SHANK2: variants seen among roughly 807,000 people sequenced by gnomAD.
SHANK2 encodes the protein SH3 and multiple ankyrin repeat domains 2.
Under a neutral mutation model 133.7 loss-of-function variants are expected in SHANK2, and 43 were observed. The ratio of observed to expected loss-of-function variants is 0.32; its 90% CI spans 0.25 to 0.41. SHANK2 has a LOEUF of 0.41. SHANK2 is among the 10% of genes least tolerant of loss of function. The pLI, the probability that SHANK2 is intolerant of heterozygous loss-of-function variation, is 1.00. For synonymous variants in SHANK2, 1,017 were observed against 952.8 expected (o/e 1.07, Z -1.24); for missense variants, 1,994 against 2,235.8 (o/e 0.89, Z 2.18).
intron 13 of SHANK2, among the ~76,000 whole-genome samples, chr11:70,806,596 A>G (rs115661951): frequency 0.011 from 1,604 of 152,114 alleles, 29 homozygotes; most frequent in African/African-American, 0.037. Flanking sequence ...TCCTTTGAAC[A>G]CTGCAGGCCC....
chr11:71,094,822 C>G (rs1951578750), intron 6 of SHANK2, 134 bp from the exon 7 acceptor site: 1 of 994,064 alleles, frequency 1.0e-6, no homozygotes, highest in East Asian at 2.6e-5. Flanking sequence ...CAGCTCCCAC[C>G]ACCTGGGAAC....
chr11:70,855,417 C>T (rs1329395083), intron 11 of SHANK2, among the ~76,000 whole-genome samples: 1 of 152,212 alleles, frequency 6.6e-6, no homozygotes, highest in Admixed American at 6.5e-5. Context: ...CTCCCCCAAC[C>T]CCTTGCTCAG....
chr11:71,180,122 A>C (rs1953527149), intron 2 of SHANK2, among the ~76,000 whole-genome samples: 1 of 152,248 alleles, frequency 6.6e-6, no homozygotes, highest in South Asian at 2.1e-4. Flanking sequence ...TCCCGGGGAC[A>C]AATGTCATTA....
At chr11:70,483,916 A>G (rs1392283086) in intron 25 of SHANK2, among the ~76,000 whole-genome samples, 1 of 152,242 alleles carries the variant, frequency 6.6e-6, no homozygotes, top group African/African-American at 2.4e-5. Context: ...ACTGAAAAAT[A>G]ACTGGGAAAA....
intron 10 of SHANK2, among the ~76,000 whole-genome samples, chr11:70,917,474 A>C (rs1182898509): frequency 6.6e-6 from 1 of 152,224 alleles, no homozygotes; most frequent in Non-Finnish European, 1.5e-5. Context: ...TAAAGACAGA[A>C]ATGCCATTCG....
intron 15 of SHANK2, among the ~76,000 whole-genome samples, chr11:70,689,682 C>G (rs536739460): frequency 2.0e-5 from 3 of 152,274 alleles, no homozygotes; most frequent in East Asian, 1.9e-4. Context: ...GAACTGGGAA[C>G]AGAACCCCCA....
At chr11:71,251,558 C>A (rs1231408750) in intron 1 of SHANK2, among the ~76,000 whole-genome samples, 9 of 151,576 alleles carry the variant, frequency 5.9e-5, no homozygotes, top group Admixed American at 5.9e-4. Flanking sequence ...AGCTGCCCGG[C>A]CGCCGGGGAG....
intron 3 of SHANK2, among the ~76,000 whole-genome samples, chr11:71,145,318 G>C (rs79443672): frequency 0.014 from 2,128 of 152,330 alleles, 56 homozygotes; most frequent in African/African-American, 0.05. Flanking sequence ...AAAAAAAGTT[G>C]CATAAAAACC....
chr11:70,934,755 G>A (rs1555083180), intron 10 of SHANK2, among the ~76,000 whole-genome samples: 1 of 152,224 alleles, frequency 6.6e-6, no homozygotes, highest in Admixed American at 6.5e-5. Flanking sequence ...AGGCTGACAT[G>A]CCACGTGTGG....
chr11:70,708,167 G>A (rs1945705146), intron 14 of SHANK2, among the ~76,000 whole-genome samples: 1 of 152,146 alleles, frequency 6.6e-6, no homozygotes. Flanking sequence ...CCCAGCTCAG[G>A]CAAGCTTTGT....
Position 70,471,753 on chromosome 11 carries a change from T to C in SHANK2, c.*1116A>G, listed in dbSNP as rs1203266311. ...CTGGCCTCCGAGAGCAAAAGGACTG[T>C]CTCAGCAGAGATGCTCACCCTTGGC... is the stretch of plus-strand genomic sequence containing the variant. On this transcript the variant is annotated 3_prime_UTR_variant, in exon 26 of 26. Coordinates refer to ENST00000601538, the MANE Select transcript of SHANK2 (RefSeq NM_012309.5). The surrounding 1 kb of genome is among the most constrained non-coding windows in gnomAD (Gnocchi z 4.1). The C allele has an allele frequency of 1.5e-5, 3 of 200,622 alleles. No homozygotes were observed. The highest frequency in any genetic ancestry group is 6.9e-5 in the African/African-American group (3 of 43,570). 12.4% of individuals were successfully genotyped at this position (200,622 alleles called of 1,614,324 possible).
chr11:70,705,919 T>TTTA (rs1945653442), intron 14 of SHANK2: 1 of 152,256 alleles, frequency 6.6e-6, no homozygotes, highest in Non-Finnish European at 1.5e-5. Context: ...GACAATAGAA[T>TTTA]GAGCTTTTAA....
chr11:70,756,068 C>T (rs1461722497), intron 14 of SHANK2, among the ~76,000 whole-genome samples: 3 of 152,100 alleles, frequency 2.0e-5, no homozygotes, highest in Non-Finnish European at 4.4e-5. Flanking sequence ...GCTCTGAGCT[C>T]GTTTCCTCAC....
chr11:70,922,464 A>C (rs1396903813), intron 10 of SHANK2, among the ~76,000 whole-genome samples: 2 of 152,226 alleles, frequency 1.3e-5, no homozygotes, highest in African/African-American at 4.8e-5. Flanking sequence ...CAAATACTGA[A>C]AACCAAGGAC....
intron 14 of SHANK2, among the ~76,000 whole-genome samples, chr11:70,777,660 T>C (rs532422181): frequency 6.6e-6 from 1 of 152,322 alleles, no homozygotes; most frequent in Admixed American, 6.5e-5. Context: ...TGGAGGGTAG[T>C]AAACCTTGAT....
At chr11:71,215,489 C>T (rs1163276083) in intron 2 of SHANK2, among the ~76,000 whole-genome samples, 1 of 152,184 alleles carries the variant, frequency 6.6e-6, no homozygotes, top group East Asian at 1.9e-4. Flanking sequence ...TGCCTCCTGC[C>T]AAGACAGGCC....
chr11:71,171,304 G>A (rs1292448536), intron 2 of SHANK2, among the ~76,000 whole-genome samples: 2 of 152,166 alleles, frequency 1.3e-5, no homozygotes, highest in African/African-American at 2.4e-5. Flanking sequence ...GGCTGAGAGC[G>A]AGACTCAATC....
intron 13 of SHANK2, among the ~76,000 whole-genome samples, chr11:70,806,285 C>T (rs1335781838): frequency 6.6e-6 from 1 of 152,208 alleles, no homozygotes; most frequent in Non-Finnish European, 1.5e-5. Flanking sequence ...TCTTGCTCCA[C>T]CCAGTGAGTT....
intron 17 of SHANK2, among the ~76,000 whole-genome samples, chr11:70,619,241 A>G (rs1331981141): frequency 1.3e-5 from 2 of 152,226 alleles, no homozygotes; most frequent in Admixed American, 1.3e-4. Context: ...CTTACGTGCC[A>G]GTTCTGTAGG....
Sources: gnomAD v4.1 joint callset for allele counts (sites outside exome capture counted in the v4.1 genomes callset) on GRCh38, gnomAD v4.1.1 for gene constraint, Gnocchi (gnomAD v3.1) non-coding constraint, MANE v1.5 for transcripts, NCBI Gene and HGNC (gene_info 2026-07-23, HGNC 2026-07-21) for gene names.